The following SLC22A25 variants were observed in gnomAD, a reference collection of about 807,000 sequenced individuals.
The protein encoded by SLC22A25 is solute carrier family 22 member 25, also known as MGI:2442751, MGI:2385316, MGI:3042283, MGI:3645714, MGI:3605624, MGI:2442750.
SLC22A25 carries 44 observed loss-of-function variants against 45.9 expected under a neutral mutation model. The ratio of observed to expected loss-of-function variants is 0.96; its 90% CI spans 0.75 to 1.23. The LOEUF (loss-of-function observed/expected upper bound fraction) is 1.23, where lower values mean the gene tolerates loss of function less well. Among genes scored for constraint, SLC22A25 ranks in the 50% most tolerant of loss-of-function variants. The pLI is 0.00. For synonymous variants in SLC22A25, 283 were observed against 238.6 expected (o/e 1.19, Z -1.72); for missense variants, 800 against 666.4 (o/e 1.20, Z -2.21).
In SLC22A25 at chr11:63,217,333, C is replaced by G. The variant is rs1565113115; in HGVS notation, c.811G>C (p.Val271Leu). Reference protein sequence around the residue: ...LQLVMSAPCFVFFLFSRWLAE... With the variant: ...LQLVMSAPCFLFFLFSRWLAE... Reference sequence around the variant, plus strand: ...CAATACCTTGAGAACAGAAAGAAGACAAAGCATGGTGCAGACATCACCAAC... The same window carrying G: ...CAATACCTTGAGAACAGAAAGAAGAGAAAGCATGGTGCAGACATCACCAAC... Residue 271 changes from valine (V) to leucine (L), a missense_variant, in exon 7 of 12, where the codon GTC (valine) becomes CTC (leucine). Physicochemically the swap from Val to Leu is conservative, Grantham distance 32. Coordinates refer to ENST00000306494, the MANE Select transcript of SLC22A25 (RefSeq NM_199352.6). The G allele has an allele frequency of 1.5e-5, 25 of 1,613,466 alleles. No homozygotes were observed. Among genetic ancestry groups the G allele is most frequent in the East Asian group, 4.5e-5 (2 of 44,854 alleles).
chr11:63,196,634 C>T (rs759041951), intron 7 of SLC22A25, among the ~76,000 whole-genome samples: 4 of 152,100 alleles, frequency 2.6e-5, no homozygotes, highest in Non-Finnish European at 5.9e-5. Flanking sequence ...TTATGACAAA[C>T]CCACATCCAA....
In SLC22A25 at chr11:63,159,965, A is replaced by C. The variant is rs966443093; in HGVS notation, c.*3859T>G. Reference sequence around the variant, plus strand: ...ACTTTGAACTTGAGTAAGATGATTTAGGGTATCTGTCAGAAGAAATTTTTA... The same window carrying C: ...ACTTTGAACTTGAGTAAGATGATTTCGGGTATCTGTCAGAAGAAATTTTTA... On this transcript the variant is annotated 3_prime_UTR_variant, in exon 12 of 12. Transcript: ENST00000306494. Among the ~76,000 whole-genome samples the C allele has an allele frequency of 2.6e-5, 4 of 152,178 alleles. No individual in the cohort carries two copies. Among genetic ancestry groups the C allele is most frequent in the Admixed American group, 6.5e-5 (1 of 15,272 alleles).
intron 9 of SLC22A25, 68 bp downstream of exon 9, chr11:63,180,592 A>G: frequency 9.0e-7 from 1 of 1,116,562 alleles, no homozygotes; most frequent in East Asian, 2.5e-5. Context: ...ATGTTGTATC[A>G]TTTGAAATAA....
chr11:63,196,001 A>T (rs1019736707), intron 7 of SLC22A25, among the ~76,000 whole-genome samples: 1 of 152,254 alleles, frequency 6.6e-6, no homozygotes, highest in African/African-American at 2.4e-5. Context: ...TAGAAAATCT[A>T]GAAGAAATGG....
At chr11:63,204,648 C>T (rs371510477) in intron 7 of SLC22A25, among the ~76,000 whole-genome samples, 1 of 152,152 alleles carries the variant, frequency 6.6e-6, no homozygotes, top group Non-Finnish European at 1.5e-5. Context: ...CAGGAGCACC[C>T]ACATTCATAA....
intron 7 of SLC22A25, among the ~76,000 whole-genome samples, chr11:63,192,100 C>T (rs2088836510): frequency 6.6e-6 from 1 of 152,148 alleles, no homozygotes; most frequent in South Asian, 2.1e-4. Flanking sequence ...GGCCAAGTCA[C>T]CTACAAAAGG....
At chr11:63,200,302 C>G (rs907952659) in intron 7 of SLC22A25, among the ~76,000 whole-genome samples, 4 of 148,882 alleles carry the variant, frequency 2.7e-5, no homozygotes, top group Non-Finnish European at 5.9e-5. Flanking sequence ...AAAAGCTTAT[C>G]CAGCATGATC....
chr11:63,212,805 A>T (rs574459453), intron 7 of SLC22A25, among the ~76,000 whole-genome samples: 12 of 55,800 alleles, frequency 2.2e-4, no homozygotes, highest in East Asian at 2.1e-3. Context: ...AGTATAATTT[A>T]AAAAAAAAAA....
In SLC22A25 at chr11:63,163,836, G is replaced by A. The variant is rs149093360; in HGVS notation, c.1632C>T (p.Ser544=). 4.3e-5 allele frequency: 69 copies of A among 1,613,126 alleles called. No homozygotes were observed. In the African/African-American group the frequency reaches 8.4e-4, roughly 20 times the overall value. ...GVNSLAAPQR[S]SVL ...CCTCAGCACAGACCTATAGCACAGA[G>A]CTCCTCTGAGGGGCAGCTAGGCTAT... The change falls in exon 12 of 12, where the codon AGC becomes AGT. Residue 544 remains serine (S), a synonymous_variant. Coordinates refer to ENST00000306494, the MANE Select transcript of SLC22A25 (RefSeq NM_199352.6).
Position 63,164,026 on chromosome 11 carries a change from GCT to G in SLC22A25, c.1440_1441del (p.Ala481ProfsTer36). The G allele has an allele frequency of 1.2e-6, 2 of 1,612,382 alleles. No homozygotes were observed. Among genetic ancestry groups the G allele is most frequent in the Non-Finnish European group, 1.7e-6 (2 of 1,179,128 alleles). On this transcript the variant is annotated frameshift_variant, in exon 12 of 12. Transcript: ENST00000306494. LOFTEE classifies it low-confidence loss of function (END_TRUNC). Reference sequence around the variant, plus strand: ...TAGGATCATCATGAGGGAAGCCAGGGCTCCCCCAATATTAGCAAAGTTTCCAG... The same window carrying G: ...TAGGATCATCATGAGGGAAGCCAGGGCCCCCAATATTAGCAAAGTTTCCAG...
chr11:63,196,308 A>G (rs1429648373), intron 7 of SLC22A25, among the ~76,000 whole-genome samples: 1 of 152,192 alleles, frequency 6.6e-6, no homozygotes, highest in Non-Finnish European at 1.5e-5. Flanking sequence ...AACAAAAAAA[A>G]GAATTTTAGA....
At chr11:63,166,652 A>T in intron 9 of SLC22A25, 2 of 1,001,850 alleles carry the variant, frequency 2.0e-6, no homozygotes, top group South Asian at 8.8e-5. Context: ...CACAGTAAAG[A>T]TCTAAGAAGC....
chr11:63,231,173 G>A (rs564005233), intron 3 of SLC22A25, among the ~76,000 whole-genome samples: 19 of 152,282 alleles, frequency 1.2e-4, no homozygotes, highest in African/African-American at 4.1e-4. Flanking sequence ...CTCAGTAATG[G>A]GATGGCTGGG....
chr11:63,224,851 G>A (rs2089925510), intron 5 of SLC22A25, among the ~76,000 whole-genome samples: 1 of 152,162 alleles, frequency 6.6e-6, no homozygotes, highest in Non-Finnish European at 1.5e-5. Flanking sequence ...TGTAATCCCA[G>A]CACTTTGGGA....
intron 1 of SLC22A25, 81 bp from the exon 2 acceptor site, chr11:63,239,216 T>G (rs1342483490): frequency 2.6e-5 from 4 of 152,250 alleles, no homozygotes; most frequent in African/African-American, 9.6e-5. Flanking sequence ...ATTGAGTGTA[T>G]GTTGATCCAC....
rs6591770 is a variant in SLC22A25, at chr11:63,160,053, T to A, written c.*3771A>T. 0.98 allele frequency among the ~76,000 whole-genome samples: 149,047 copies of A among 152,304 alleles called. 73,005 individuals are homozygous for A. Among genetic ancestry groups the A allele is most frequent in the Middle Eastern group, 1 (294 of 294 alleles). The stretch of plus-strand genomic sequence containing the variant: ...AAGCAGTCAGTTTTAAAAGGGAAAC[T>A]CAGCAAAAAAGTTTGAAAAATTTGC... On this transcript the variant is annotated 3_prime_UTR_variant, in exon 12 of 12. Transcript: ENST00000306494.
chr11:63,242,318 CAACTGTATAGAAT>C (rs1565134263), intron 1 of SLC22A25, among the ~76,000 whole-genome samples: 1 of 152,176 alleles, frequency 6.6e-6, no homozygotes, highest in Non-Finnish European at 1.5e-5. Flanking sequence ...TCAGAACCAA[CAACTGTATAGAAT>C]AACTCATTGG....
At position 63,208,784 on chromosome 11, in the gene SLC22A25, G is replaced by C. The variant is rs1459893412; in HGVS notation, c.830+8530C>G. On this transcript the variant is annotated intron_variant, in intron 7 of 11. Transcript: ENST00000306494. ...TGGGGGAAATTAGAACTAGGATGCTGCATATGGCTGATAGGACCAGCTTCA... is the reference window on the plus strand; with the variant it reads ...TGGGGGAAATTAGAACTAGGATGCTCCATATGGCTGATAGGACCAGCTTCA... Among the ~76,000 whole-genome samples the C allele has an allele frequency of 2.6e-5, 4 of 152,258 alleles. No homozygotes were observed. In the East Asian group the frequency reaches 7.8e-4, roughly 30 times the overall value.
intron 7 of SLC22A25, among the ~76,000 whole-genome samples, chr11:63,211,713 C>T (rs2089568044): frequency 6.6e-6 from 1 of 151,994 alleles, no homozygotes; most frequent in Admixed American, 6.6e-5. Flanking sequence ...CCTTAAAAAC[C>T]CTAGAAGAAA....
Sources: gnomAD v4.1 joint callset for allele counts (sites outside exome capture counted in the v4.1 genomes callset) on GRCh38, gnomAD v4.1.1 for gene constraint, MANE v1.5 for transcripts, NCBI Gene and HGNC (gene_info 2026-07-23, HGNC 2026-07-21) for gene names.